Variants in EYS observed in about 807,000 individuals in gnomAD.
The protein encoded by EYS is protein eyes shut homolog.
Under a neutral mutation model 282.1 loss-of-function variants are expected in EYS, and 250 were observed. The observed-to-expected ratio is 0.89, with a 90% CI of 0.80 to 0.98. The LOEUF (loss-of-function observed/expected upper bound fraction) is 0.98. Among genes scored for constraint, EYS ranks in the 50% least tolerant of loss-of-function variants. EYS has a pLI of 0.00. For synonymous variants in EYS, 1,355 were observed against 1,282.9 expected (o/e 1.06, Z -1.20); for missense variants, 4,016 against 3,709.0 (o/e 1.08, Z -2.15).
chr6:64,356,695 A>G (rs1373919417), intron 29 of EYS, among the ~76,000 whole-genome samples: 3 of 151,666 alleles, frequency 2.0e-5, no homozygotes, highest in Non-Finnish European at 4.4e-5. Flanking sequence ...TCTGGTATAA[A>G]GATGACACAA....
Position 64,452,512 on chromosome 6 carries a change from C to A in EYS, c.5645-13160G>T, listed in dbSNP as rs181931168. Among the ~76,000 whole-genome samples, 181 of 152,076 alleles carry A rather than the reference C, an allele frequency of 1.2e-3. 1 individual carries two copies. The South Asian group carries it at 0.019, about 16-fold the overall frequency. ...TCACAGAATTGGAAAAAACTACTTT[C>A]AAGTTCATATGGAACCAAAAAAGAG... On this transcript the variant is annotated intron_variant, in intron 26 of 42. Transcript: ENST00000503581.
chr6:65,706,764 G>A (rs1233231961), intron 1 of EYS, among the ~76,000 whole-genome samples: 1 of 152,038 alleles, frequency 6.6e-6, no homozygotes. Context: ...ACATTTCATG[G>A]CCCTATGTAT....
At chr6:65,085,918 A>G (rs557375754) in intron 12 of EYS, among the ~76,000 whole-genome samples, 1 of 141,278 alleles carries the variant, frequency 7.1e-6, no homozygotes, top group Non-Finnish European at 1.5e-5. Context: ...CTGCACTTCT[A>G]TATTTCTCTC....
rs5876921 is a variant in EYS, at chr6:64,756,885, C to CTTT, written c.3443+56490_3443+56492dup. Reference sequence around the variant, plus strand: ...AATTTAAAAATACAAAGCATCAGTGCTTTTTTTTTTTTTTTAACAGATGTG... The same window carrying CTTT: ...AATTTAAAAATACAAAGCATCAGTGCTTTTTTTTTTTTTTTTTTAACAGATGTG... On this transcript the variant is annotated intron_variant, in intron 22 of 42. Coordinates refer to ENST00000503581, the MANE Select transcript of EYS (RefSeq NM_001142800.2). Among the ~76,000 whole-genome samples, 509 of 137,770 alleles carry CTTT rather than the reference C, an allele frequency of 3.7e-3. 1 individual carries two copies. Among genetic ancestry groups the CTTT allele is most frequent in the Non-Finnish European group, 5.4e-3 (337 of 62,852 alleles). The allele number at this position is 137,770 out of a possible 152,430, so 90.4% of individuals were successfully genotyped here. A position where few individuals can be genotyped will look rare whatever the true frequency, so the allele number is the denominator to read the frequency against.
At chr6:64,249,063 CAA>C (rs34663169) in intron 30 of EYS, among the ~76,000 whole-genome samples, 5 of 70,048 alleles carry the variant, frequency 7.1e-5, no homozygotes, top group South Asian at 5.9e-4. Flanking sequence ...CACCCTGTCT[CAA>C]AAAAAAAAAA....
At chr6:65,216,148 T>C (rs1173563026) in intron 12 of EYS, among the ~76,000 whole-genome samples, 1 of 152,134 alleles carries the variant, frequency 6.6e-6, no homozygotes, top group Admixed American at 6.6e-5. Flanking sequence ...TTCACAGTTC[T>C]TAAATTAAGG....
intron 8 of EYS, among the ~76,000 whole-genome samples, chr6:65,372,020 TA>T (rs1207077589): frequency 2.7e-5 from 4 of 148,942 alleles, no homozygotes; most frequent in Non-Finnish European, 5.9e-5. Flanking sequence ...AAAACTGATT[TA>T]ACTGGAGGAT....
intron 29 of EYS, among the ~76,000 whole-genome samples, chr6:64,317,214 C>T (rs574869052): frequency 6.6e-6 from 1 of 151,740 alleles, no homozygotes; most frequent in South Asian, 2.1e-4. Context: ...AGACAAATGA[C>T]ATCTAATTAA....
At chr6:65,632,279 G>A (rs184964738) in intron 2 of EYS, among the ~76,000 whole-genome samples, 140 of 152,156 alleles carry the variant, frequency 9.2e-4, no homozygotes, top group Non-Finnish European at 1.2e-3. Flanking sequence ...TTCTCTGCTC[G>A]TTCATCAGTA....
intron 5 of EYS, chr6:65,489,820 C>G (rs571990336): frequency 6.6e-6 from 1 of 152,234 alleles, no homozygotes; most frequent in African/African-American, 2.4e-5. Context: ...GATTTCATGT[C>G]CTTTGTAGGG....
At chr6:63,981,127 T>C (rs2149790091) in intron 35 of EYS, among the ~76,000 whole-genome samples, 1 of 151,920 alleles carries the variant, frequency 6.6e-6, no homozygotes. Context: ...ATGTTCTTCT[T>C]AATGAGCTGA....
At chr6:64,786,620 T>C (rs1390032379) in intron 22 of EYS, among the ~76,000 whole-genome samples, 1 of 152,200 alleles carries the variant, frequency 6.6e-6, no homozygotes, top group Admixed American at 6.5e-5. Flanking sequence ...GGGTCCCCAC[T>C]GGGTCATATT....
At position 64,954,685 on chromosome 6, in the gene EYS, A is replaced by G. The variant is rs960847717; in HGVS notation, c.2260-8771T>C. Among the ~76,000 whole-genome samples the G allele has an allele frequency of 3.9e-5, 6 of 152,264 alleles. No individual in the cohort carries two copies. In the South Asian group the frequency reaches 1.0e-3, roughly 26 times the overall value. On this transcript the variant is annotated intron_variant, in intron 14 of 42. Coordinates refer to ENST00000503581, the MANE Select transcript of EYS (RefSeq NM_001142800.2). Reference sequence around the variant, plus strand: ...ACTCATTTCCAGTATTATGACCTCAAAGAAAATTAGCAACTGAGGCAGAGC... The same window carrying G: ...ACTCATTTCCAGTATTATGACCTCAGAGAAAATTAGCAACTGAGGCAGAGC...
chr6:65,320,516 A>C (rs1769445342), intron 11 of EYS, among the ~76,000 whole-genome samples: 1 of 152,144 alleles, frequency 6.6e-6, no homozygotes, highest in African/African-American at 2.4e-5. Flanking sequence ...TGTAGATTTC[A>C]CTGGGAAGAG....
chr6:64,476,582 C>G (rs1776274685), intron 26 of EYS, among the ~76,000 whole-genome samples: 1 of 151,898 alleles, frequency 6.6e-6, no homozygotes, highest in Admixed American at 6.6e-5. Flanking sequence ...AAAAGGTGAT[C>G]ATTTTGAATT....
At chr6:65,218,096 T>C (rs1239110551) in intron 12 of EYS, among the ~76,000 whole-genome samples, 1 of 152,096 alleles carries the variant, frequency 6.6e-6, no homozygotes, top group Admixed American at 6.5e-5. Context: ...GCTATGTGTG[T>C]GGTAGTTGAG....
chr6:64,761,005 G>A (rs1176616336), intron 22 of EYS, among the ~76,000 whole-genome samples: 2 of 152,174 alleles, frequency 1.3e-5, no homozygotes, highest in African/African-American at 2.4e-5. Flanking sequence ...TAAAAAAATT[G>A]CTTTAAATGA....
chr6:64,065,992 G>A (rs780255053), intron 33 of EYS, among the ~76,000 whole-genome samples: 6 of 152,176 alleles, frequency 3.9e-5, no homozygotes, highest in Admixed American at 6.5e-5. Flanking sequence ...GGCCGGGCAT[G>A]GTGGCTCATG....
At chr6:65,325,188 C>T (rs1277448038) in intron 11 of EYS, among the ~76,000 whole-genome samples, 1 of 152,124 alleles carries the variant, frequency 6.6e-6, no homozygotes. Flanking sequence ...TCATAATTCT[C>T]CTTTCTCCCT....
Sources: gnomAD v4.1 joint callset for allele counts (sites outside exome capture counted in the v4.1 genomes callset) on GRCh38, gnomAD v4.1.1 for gene constraint, MANE v1.5 for transcripts, NCBI Gene and HGNC (gene_info 2026-07-23, HGNC 2026-07-21) for gene names.